IMMP2L: variants seen among roughly 807,000 people sequenced by gnomAD.
IMMP2L encodes mitochondrial inner membrane protease subunit 2.
In IMMP2L, 18 loss-of-function variants were observed where a neutral mutation model predicts 19.3. That is an observed-to-expected ratio of 0.93 (90% CI 0.64 to 1.38). The LOEUF (loss-of-function observed/expected upper bound fraction) is 1.38, where lower values mean the gene tolerates loss of function less well. Among genes scored for constraint, IMMP2L ranks in the 40% most tolerant of loss-of-function variants. The pLI is 0.00. For missense variants in IMMP2L, 233 were observed against 218.2 expected, an observed-to-expected ratio of 1.07 and a Z score of -0.43; for synonymous variants, 76 against 73.0, an observed-to-expected ratio of 1.04 and a Z score of -0.21.
At chr7:111,272,776 T>A (rs149209821) in intron 3 of IMMP2L, among the ~76,000 whole-genome samples, 1 of 152,224 alleles carries the variant, frequency 6.6e-6, no homozygotes, top group African/African-American at 2.4e-5. Flanking sequence ...CCCACACACC[T>A]CAGACTCTAG....
chr7:111,150,135 A>G (rs1803914175), intron 3 of IMMP2L, among the ~76,000 whole-genome samples: 1 of 152,198 alleles, frequency 6.6e-6, no homozygotes, highest in African/African-American at 2.4e-5. Flanking sequence ...AACCAAATAG[A>G]ATATTATGAT....
intron 5 of IMMP2L, among the ~76,000 whole-genome samples, chr7:110,721,668 A>G (rs543277065): frequency 1.9e-3 from 295 of 152,244 alleles, no homozygotes; most frequent in Middle Eastern, 6.8e-3. Context: ...CAGTATAACC[A>G]TTAATTTTCA....
chr7:111,442,962 T>C (rs186554646), intron 3 of IMMP2L, among the ~76,000 whole-genome samples: 1 of 151,884 alleles, frequency 6.6e-6, no homozygotes, highest in Non-Finnish European at 1.5e-5. Context: ...AACACCAAAG[T>C]GGAACACAGG....
intron 5 of IMMP2L, among the ~76,000 whole-genome samples, chr7:110,779,986 C>A (rs1428301330): frequency 6.6e-6 from 1 of 151,792 alleles, no homozygotes; most frequent in Non-Finnish European, 1.5e-5. Flanking sequence ...TTGCTACAAC[C>A]TTTTTAGCAC....
At chr7:111,139,201 C>T (rs919175700) in intron 3 of IMMP2L, among the ~76,000 whole-genome samples, 3 of 151,522 alleles carry the variant, frequency 2.0e-5, no homozygotes, top group Non-Finnish European at 4.4e-5. Context: ...ACGGAGCTAA[C>T]AAAAGATCTA....
At chr7:110,828,300 G>A (rs1288291393) in intron 5 of IMMP2L, among the ~76,000 whole-genome samples, 4 of 152,136 alleles carry the variant, frequency 2.6e-5, no homozygotes, top group Non-Finnish European at 5.9e-5. Flanking sequence ...GCTGACTCCT[G>A]CACTAAGCCA....
intron 3 of IMMP2L, among the ~76,000 whole-genome samples, chr7:110,980,794 T>C (rs1372089492): frequency 2.6e-5 from 4 of 152,228 alleles, no homozygotes; most frequent in Admixed American, 2.6e-4. Context: ...AACACCATAT[T>C]AACTCTTGTT....
chr7:110,799,013 G>C (rs1801060611), intron 5 of IMMP2L, among the ~76,000 whole-genome samples: 1 of 151,854 alleles, frequency 6.6e-6, no homozygotes, highest in Non-Finnish European at 1.5e-5. Flanking sequence ...CTCAAATAAG[G>C]CATTTTATGT....
At chr7:110,868,955 A>G (rs1362051401) in intron 5 of IMMP2L, among the ~76,000 whole-genome samples, 1 of 152,068 alleles carries the variant, frequency 6.6e-6, no homozygotes, top group Admixed American at 6.6e-5. Flanking sequence ...GGGAGACTCC[A>G]ATTATTTTAA....
intron 3 of IMMP2L, among the ~76,000 whole-genome samples, chr7:111,183,020 TTAAG>T (rs1479398572): frequency 1.3e-5 from 2 of 152,062 alleles, no homozygotes. Flanking sequence ...TTTTTAAAGT[TTAAG>T]TATTATTTAT....
At chr7:111,284,450 T>C (rs890027934) in intron 3 of IMMP2L, among the ~76,000 whole-genome samples, 3 of 151,808 alleles carry the variant, frequency 2.0e-5, no homozygotes, top group Non-Finnish European at 4.4e-5. Flanking sequence ...ACTGAGAAAT[T>C]GGCCAAGAAA....
At chr7:110,931,453 T>C (rs1251168278) in intron 4 of IMMP2L, among the ~76,000 whole-genome samples, 1 of 152,196 alleles carries the variant, frequency 6.6e-6, no homozygotes, top group African/African-American at 2.4e-5. Flanking sequence ...TTTTTCACCA[T>C]GTATTTTTCA....
At chr7:111,439,130 A>G (rs1837472418) in intron 3 of IMMP2L, among the ~76,000 whole-genome samples, 1 of 151,868 alleles carries the variant, frequency 6.6e-6, no homozygotes, top group Non-Finnish European at 1.5e-5. Flanking sequence ...CCCAGCATCC[A>G]GCTATCCTCT....
chr7:111,518,385 T>C (rs1846051454), intron 2 of IMMP2L, among the ~76,000 whole-genome samples: 1 of 152,098 alleles, frequency 6.6e-6, no homozygotes, highest in South Asian at 2.1e-4. Context: ...GATTTAATCT[T>C]TCGATCCTTG....
chr7:110,712,711 G>A (rs1794964100), intron 5 of IMMP2L, among the ~76,000 whole-genome samples: 1 of 72,168 alleles, frequency 1.4e-5, no homozygotes, highest in Non-Finnish European at 3.0e-5. Flanking sequence ...ATAGTCTCGT[G>A]GTGCGCCGTT....
chr7:110,817,594 C>T lies in IMMP2L; in HGVS notation c.408+68999G>A, dbSNP rs138047653. Among the ~76,000 whole-genome samples the T allele has an allele frequency of 9.9e-3, 1,504 of 152,060 alleles. 24 individuals carry two copies. Among genetic ancestry groups the T allele is most frequent in the African/African-American group, 0.034 (1,417 of 41,466 alleles). On this transcript the variant is annotated intron_variant, in intron 5 of 5. Transcript: ENST00000405709. ...GTCAAGCTACCAATGACTTTCTTCA[C>T]AGAATTGGAAAAAACTACTTTAAAG... is the stretch of plus-strand genomic sequence containing the variant.
At chr7:110,853,634 C>T (rs886187103) in intron 5 of IMMP2L, among the ~76,000 whole-genome samples, 3 of 151,886 alleles carry the variant, frequency 2.0e-5, no homozygotes, top group African/African-American at 7.3e-5. Flanking sequence ...TCAGATAATG[C>T]CTCTTGTTAT....
chr7:111,188,930 C>A (rs1444733657), intron 3 of IMMP2L, among the ~76,000 whole-genome samples: 1 of 152,046 alleles, frequency 6.6e-6, no homozygotes, highest in Non-Finnish European at 1.5e-5. Context: ...AACTAGCTAA[C>A]TTCCTGGAAG....
intron 3 of IMMP2L, among the ~76,000 whole-genome samples, chr7:111,046,914 C>T (rs567236683): frequency 1.8e-4 from 27 of 152,210 alleles, no homozygotes; most frequent in African/African-American, 6.3e-4. Context: ...CCTCCAAGCA[C>T]TTATCAGATA....
Sources: allele counts gnomAD v4.1 joint callset (sites outside exome capture counted in the v4.1 genomes callset), GRCh38; gene constraint gnomAD v4.1.1; transcripts MANE v1.5; gene names NCBI Gene and HGNC (gene_info 2026-07-23, HGNC 2026-07-21).